The following PACRG variants were observed in gnomAD, a reference collection of about 807,000 sequenced individuals.
The protein encoded by PACRG is parkin coregulated, also known as parkin coregulated gene protein.
A neutral mutation model predicts 29.7 loss-of-function variants in PACRG; 29 were observed. The ratio of observed to expected loss-of-function variants is 0.98; its 90% CI spans 0.73 to 1.33. The LOEUF (loss-of-function observed/expected upper bound fraction) is 1.33. Ranked by LOEUF, PACRG falls within the 40% of genes most tolerant of loss-of-function variation. PACRG has a pLI of 0.00. For synonymous variants in PACRG, 116 were observed against 118.7 expected (o/e 0.98, Z 0.15); for missense variants, 279 against 316.2 (o/e 0.88, Z 0.89).
At position 163,217,444 on chromosome 6, in the gene PACRG, G is replaced by A. The variant is rs546160198; in HGVS notation, c.614-97383G>A. 4.1e-4 allele frequency among the ~76,000 whole-genome samples: 63 copies of A among 152,272 alleles called. No individual in the cohort carries two copies. In the South Asian group the frequency reaches 0.013, roughly 31 times the overall value. On this transcript the variant is annotated intron_variant, in intron 4 of 4. Transcript: ENST00000366888. ...GCAGTCTGCTCAGGAGGGGAGGAGG[G>A]GCATCCGCTCACTTGAAACCTTTGA...
intron 1 of PACRG, among the ~76,000 whole-genome samples, chr6:162,753,570 C>T (rs1781678439): frequency 6.6e-6 from 1 of 152,118 alleles, no homozygotes; most frequent in Admixed American, 6.6e-5. Flanking sequence ...TGTGTCCCCA[C>T]CCAAATTCAT....
intron 4 of PACRG, among the ~76,000 whole-genome samples, chr6:163,306,024 T>C (rs896920904): frequency 6.6e-6 from 1 of 152,174 alleles, no homozygotes; most frequent in Admixed American, 6.5e-5. Context: ...TACTTTGATT[T>C]CTCTTTTTCA....
At chr6:162,752,871 A>C (rs944312341) in intron 1 of PACRG, among the ~76,000 whole-genome samples, 1 of 152,096 alleles carries the variant, frequency 6.6e-6, no homozygotes, top group African/African-American at 2.4e-5. Context: ...AGCTCTTTGG[A>C]TCCTCCTGGC....
At chr6:162,886,553 C>A (rs1794351177) in intron 2 of PACRG, among the ~76,000 whole-genome samples, 2 of 152,180 alleles carry the variant, frequency 1.3e-5, no homozygotes, top group African/African-American at 4.8e-5. Flanking sequence ...GATGTGGCAG[C>A]AGCAACATGA....
intron 2 of PACRG, among the ~76,000 whole-genome samples, chr6:162,968,656 T>G (rs777603098): frequency 3.3e-5 from 5 of 152,104 alleles, no homozygotes; most frequent in Admixed American, 6.6e-5. Context: ...TGGAAAAAAA[T>G]TATTACCCGA....
At chr6:163,298,587 C>T (rs742333) in intron 4 of PACRG, among the ~76,000 whole-genome samples, 63,425 of 151,996 alleles carry the variant, frequency 0.42, 13,423 homozygotes, top group Middle Eastern at 0.56. Flanking sequence ...ACTTTATGCA[C>T]AAAGATGTTG....
chr6:162,801,497 G>A (rs2128340981), intron 1 of PACRG, among the ~76,000 whole-genome samples: 1 of 152,088 alleles, frequency 6.6e-6, no homozygotes, highest in East Asian at 1.9e-4. Context: ...TAAGTTATTT[G>A]TTTTTCTGTG....
intron 2 of PACRG, among the ~76,000 whole-genome samples, chr6:163,035,831 A>C (rs1808133630): frequency 6.6e-6 from 1 of 151,414 alleles, no homozygotes; most frequent in East Asian, 1.9e-4. Flanking sequence ...AAAAAAAAAA[A>C]AAACAAAGAA....
chr6:162,924,191 T>C (rs1159468616), intron 2 of PACRG, among the ~76,000 whole-genome samples: 1 of 152,094 alleles, frequency 6.6e-6, no homozygotes, highest in Non-Finnish European at 1.5e-5. Context: ...TTCAGTTAGT[T>C]TGTTTTTAAG....
intron 1 of PACRG, among the ~76,000 whole-genome samples, chr6:162,757,758 A>T (rs1303239311): frequency 6.6e-6 from 1 of 152,144 alleles, no homozygotes; most frequent in Non-Finnish European, 1.5e-5. Flanking sequence ...GTTGCTACAC[A>T]TGCATGAGGA....
intron 1 of PACRG, among the ~76,000 whole-genome samples, chr6:162,775,534 A>G (rs977170041): frequency 6.6e-6 from 1 of 152,242 alleles, no homozygotes; most frequent in Non-Finnish European, 1.5e-5. Flanking sequence ...CTTGAGTCAT[A>G]AGTAATTATG....
chr6:162,776,908 G>A (rs2128308766), intron 1 of PACRG, among the ~76,000 whole-genome samples: 1 of 152,232 alleles, frequency 6.6e-6, no homozygotes, highest in East Asian at 1.9e-4. Flanking sequence ...AAAGGCATAA[G>A]AATGATACGT....
chr6:163,039,768 C>T (rs1808517565), intron 2 of PACRG, among the ~76,000 whole-genome samples: 1 of 152,108 alleles, frequency 6.6e-6, no homozygotes, highest in African/African-American at 2.4e-5. Context: ...CAAGATGTGG[C>T]CTGGCTTTTT....
At chr6:163,137,516 C>T (rs1296540503) in intron 4 of PACRG, among the ~76,000 whole-genome samples, 1 of 152,152 alleles carries the variant, frequency 6.6e-6, no homozygotes, top group Non-Finnish European at 1.5e-5. Flanking sequence ...CAGGATTTCC[C>T]AAGCGACAAG....
Position 163,025,227 on chromosome 6 carries a change from C to T in PACRG, c.292-36923C>T, listed in dbSNP as rs1187366841. 2.0e-5 allele frequency among the ~76,000 whole-genome samples: 3 copies of T among 152,100 alleles called. No homozygotes were observed. In the East Asian group the frequency reaches 5.8e-4, roughly 29 times the overall value. On this transcript the variant is annotated intron_variant, in intron 2 of 4. Transcript: ENST00000366888. ...CCTATTCAACAGAGTATTGGAAGTC[C>T]TAGCCAGAGCAATCAGGCAAGACAA...
intron 2 of PACRG, chr6:163,043,171 T>C (rs1808920960): frequency 1.3e-5 from 2 of 152,328 alleles, no homozygotes; most frequent in African/African-American, 4.8e-5. Flanking sequence ...CTTCAATCAC[T>C]GTAAACAAAG....
intron 2 of PACRG, among the ~76,000 whole-genome samples, chr6:162,818,885 A>G (rs551331034): frequency 2.0e-5 from 3 of 152,302 alleles, no homozygotes; most frequent in African/African-American, 7.2e-5. Context: ...ATCCTCTAGG[A>G]AAATCAGGAT....
intron 2 of PACRG, among the ~76,000 whole-genome samples, chr6:163,016,608 A>T (rs1306381601): frequency 6.6e-6 from 1 of 152,142 alleles, no homozygotes; most frequent in Non-Finnish European, 1.5e-5. Context: ...CCAAAGATGA[A>T]TATGGGGTCG....
chr6:163,037,797 C>A (rs1280189536), intron 2 of PACRG, among the ~76,000 whole-genome samples: 4 of 152,204 alleles, frequency 2.6e-5, no homozygotes, highest in Non-Finnish European at 5.9e-5. Flanking sequence ...GTACTGCTGG[C>A]CGCTTGCTCT....
Sources: gnomAD v4.1 joint callset for allele counts (sites outside exome capture counted in the v4.1 genomes callset) on GRCh38, gnomAD v4.1.1 for gene constraint, MANE v1.5 for transcripts, NCBI Gene and HGNC (gene_info 2026-07-23, HGNC 2026-07-21) for gene names.